Variants in G3BP2 observed in about 807,000 individuals in gnomAD.
G3BP2 encodes the protein G3BP stress granule assembly factor 2, also known as ras GTPase-activating protein-binding protein 2.
Under a neutral mutation model 56.7 loss-of-function variants are expected in G3BP2, and 11 were observed. The ratio of observed to expected loss-of-function variants is 0.19; its 90% CI spans 0.12 to 0.32. The LOEUF (loss-of-function observed/expected upper bound fraction) is 0.32, where lower values mean the gene tolerates loss of function less well. G3BP2 is among the 10% of genes least tolerant of loss of function. The pLI, the probability that G3BP2 is intolerant of heterozygous loss-of-function variation, is 1.00. For synonymous variants in G3BP2, 165 were observed against 191.6 expected (o/e 0.86, Z 1.15); for missense variants, 340 against 610.9 (o/e 0.56, Z 4.67).
At chr4:75,672,727 G>A (rs1180216559) in intron 1 of G3BP2, 4 of 152,196 alleles carry the variant, frequency 2.6e-5, no homozygotes, top group African/African-American at 9.7e-5. Context: ...CCCCCCACGG[G>A]CGGGGTGGCG....
intron 1 of G3BP2, among the ~76,000 whole-genome samples, chr4:75,668,769 G>A (rs1733256597): frequency 6.6e-6 from 1 of 152,014 alleles, no homozygotes; most frequent in Non-Finnish European, 1.5e-5. Context: ...CATTTATCTG[G>A]GCCCAGCAGA....
In G3BP2 at chr4:75,665,075, G is replaced by A. The variant is rs528388051; in HGVS notation, c.-24-3026C>T. Among the ~76,000 whole-genome samples, 28 of 152,250 alleles carry A rather than the reference G, an allele frequency of 1.8e-4. 1 individual carries two copies. The South Asian group carries it at 2.1e-3, about 11-fold the overall frequency. On this transcript the variant is annotated intron_variant, in intron 1 of 11. Transcript: ENST00000359707. ...CAATTTCAGAGACAGCCCTGCATAG[G>A]TCATTAAAATTGTGATGCTGTTTTT...
At chr4:75,671,809 G>A (rs1733509405) in intron 1 of G3BP2, among the ~76,000 whole-genome samples, 1 of 152,172 alleles carries the variant, frequency 6.6e-6, no homozygotes, top group African/African-American at 2.4e-5. Flanking sequence ...CAAACTCATC[G>A]TACCGTTTAT....
upstream of G3BP2, chr4:75,673,535 T>A: frequency 8.1e-7 from 1 of 1,232,116 alleles, no homozygotes; most frequent in Non-Finnish European, 1.0e-6. Context: ...CCTTCCCGTG[T>A]CCCTCTGCGG....
chr4:75,684,818 A>G (rs563239010), intron 3 of G3BP2, among the ~76,000 whole-genome samples: 22 of 152,082 alleles, frequency 1.4e-4, no homozygotes, highest in African/African-American at 4.8e-4. Context: ...GAAAAGATCC[A>G]TATTTCATTG....
chr4:75,690,386 C>T (rs982501077), intron 3 of G3BP2, among the ~76,000 whole-genome samples: 2 of 150,910 alleles, frequency 1.3e-5, no homozygotes, highest in African/African-American at 2.4e-5. Flanking sequence ...GAGCCAAGAC[C>T]GTGCTATTGC....
chr4:75,678,447 C>A (rs1240208402), intron 3 of G3BP2, among the ~76,000 whole-genome samples: 1 of 152,118 alleles, frequency 6.6e-6, no homozygotes, highest in Non-Finnish European at 1.5e-5. Flanking sequence ...ATGAGCCACA[C>A]CTGACCTAAA....
At chr4:75,650,225 G>A (rs190857606) in intron 8 of G3BP2, among the ~76,000 whole-genome samples, 14 of 151,316 alleles carry the variant, frequency 9.3e-5, no homozygotes, top group Admixed American at 7.2e-4. Flanking sequence ...ACCTGAGGTC[G>A]GGAGTTCGAG....
At chr4:75,675,560 A>AG (rs1215845984), upstream of G3BP2, among the ~76,000 whole-genome samples, 5 of 152,250 alleles carry the variant, frequency 3.3e-5, no homozygotes, top group East Asian at 3.9e-4. Context: ...TGGAAGGCCG[A>AG]GGGGGGCGGA....
At position 75,718,234 on chromosome 4, in the gene G3BP2, CTTTCT is replaced by C. The variant is rs1162537422; in HGVS notation, c.-25+2638_-25+2642del. Reference sequence around the variant, plus strand: ...TAATTTAGGTGTTTCTTCTTTCTTTCTTTCTTTTTTTTTTTTAGGTGTTTCATAAG... The same window carrying C: ...TAATTTAGGTGTTTCTTCTTTCTTTCTTTTTTTTTTTAGGTGTTTCATAAG... On this transcript the variant is annotated intron_variant, in intron 3 of 3. Coordinates refer to the G3BP2 transcript ENST00000499709. 1.1e-3 allele frequency among the ~76,000 whole-genome samples: 45 copies of C among 41,252 alleles called. No individual in the cohort carries two copies. In the East Asian group the frequency reaches 0.015, roughly 14 times the overall value. 27.1% of individuals were successfully genotyped at this position (41,252 alleles called of 152,430 possible).
Position 75,647,122 on chromosome 4 carries a change from G to A in G3BP2, c.964C>T (p.Arg322Cys). Residue 322 changes from arginine (R) to cysteine (C), a missense_variant, in exon 10 of 12, where the codon CGT becomes TGT. By Grantham distance (180) the Arg-to-Cys change is radical. Around this residue, in one of 4 missense-constraint regions of G3BP2, gnomAD observed 224 missense variants for 332.5 expected, o/e 0.67. Coordinates refer to ENST00000359707, the MANE Select transcript of G3BP2 (RefSeq NM_203505.3). ...GDMEQNDSDN[R>C]RIIRYPDSHQ... ...CTATCTGGATAGCGAATTATTCTAC[G>A]GTTGTCAGAGTCATTCTGTTCCATA... 2 of 1,598,786 alleles carry A rather than the reference G, an allele frequency of 1.3e-6. No individual in the cohort carries two copies. The highest frequency in any genetic ancestry group is 1.1e-5 in the South Asian group (1 of 90,136).
chr4:75,680,950 G>C (rs1044524200), intron 3 of G3BP2, among the ~76,000 whole-genome samples: 5 of 146,436 alleles, frequency 3.4e-5, no homozygotes, highest in Admixed American at 1.4e-4. Flanking sequence ...CCTGGCGACA[G>C]AGCAAGACCC....
chr4:75,715,205 G>A (rs751304166), intron 3 of G3BP2, among the ~76,000 whole-genome samples: 2 of 152,158 alleles, frequency 1.3e-5, no homozygotes, highest in Non-Finnish European at 2.9e-5. Flanking sequence ...CTGGCACAGA[G>A]GACAGAGGCT....
intron 1 of G3BP2, among the ~76,000 whole-genome samples, chr4:75,664,655 C>CTGACCAA (rs766125248): frequency 3.6e-4 from 55 of 152,164 alleles, no homozygotes; most frequent in Non-Finnish European, 6.5e-4. Context: ...CGAGACCAGC[C>CTGACCAA]TGACCAAGAT....
intron 3 of G3BP2, among the ~76,000 whole-genome samples, chr4:75,695,974 C>CAA (rs397807027): frequency 1.7e-4 from 2 of 11,924 alleles, no homozygotes; most frequent in African/African-American, 7.8e-4. Flanking sequence ...AACTCTGTCT[C>CAA]AAAAAAAAAA....
At chr4:75,694,755 A>AACAG in intron 3 of G3BP2, 1 of 987,062 alleles carries the variant, frequency 1.0e-6, no homozygotes, top group Non-Finnish European at 1.2e-6. Flanking sequence ...CAAACAAACA[A>AACAG]ACAAACAAAC....
intron 1 of G3BP2, chr4:75,670,438 T>C (rs745752305): frequency 1.9e-4 from 29 of 152,214 alleles, no homozygotes; most frequent in Admixed American, 5.2e-4. Context: ...CTAAGAATCA[T>C]AGTGGTACAA....
At chr4:75,676,336 ATTTTTTTTTTT>A (rs34017434), upstream of G3BP2, among the ~76,000 whole-genome samples, 7 of 92,076 alleles carry the variant, frequency 7.6e-5, no homozygotes, top group African/African-American at 1.3e-4. Flanking sequence ...ATTGCCAATA[ATTTTTTTTTTT>A]TTTTTTTTTT....
intron 1 of G3BP2, among the ~76,000 whole-genome samples, chr4:75,663,005 A>G (rs1014199051): frequency 6.6e-6 from 1 of 152,190 alleles, no homozygotes; most frequent in African/African-American, 2.4e-5. Context: ...GTACTTAGAG[A>G]GAATCATTTT....
Sources: allele counts gnomAD v4.1 joint callset (sites outside exome capture counted in the v4.1 genomes callset), GRCh38; gene constraint gnomAD v4.1.1; regional missense constraint gnomAD v4.1.1; transcripts MANE v1.5; gene names NCBI Gene and HGNC (gene_info 2026-07-23, HGNC 2026-07-21).